The following MAGI2 variants were observed in gnomAD, a reference collection of about 807,000 sequenced individuals.
MAGI2 encodes membrane associated guanylate kinase, WW and PDZ domain containing 2.
A neutral mutation model predicts 133.3 loss-of-function variants in MAGI2; 35 were observed. That is an observed-to-expected ratio of 0.26 (90% confidence interval 0.20 to 0.35). The LOEUF is 0.35. Among genes scored for constraint, MAGI2 ranks in the 10% least tolerant of loss-of-function variants. The pLI, the probability that MAGI2 is intolerant of heterozygous loss-of-function variation, is 1.00. For missense variants in MAGI2, 1,636 were observed against 1,863.4 expected (o/e 0.88, Z 2.25); for synonymous variants, 729 against 710.6 (o/e 1.03, Z -0.41).
intron 2 of MAGI2, among the ~76,000 whole-genome samples, chr7:78,644,402 T>C (rs565650479): frequency 6.6e-6 from 1 of 152,248 alleles, no homozygotes; most frequent in African/African-American, 2.4e-5. Context: ...ATAGACCATA[T>C]TCTTGGCAAT....
chr7:78,681,491 A>G (rs1815654177), intron 2 of MAGI2, among the ~76,000 whole-genome samples: 2 of 152,200 alleles, frequency 1.3e-5, no homozygotes, highest in African/African-American at 4.8e-5. Flanking sequence ...AAATATGAAG[A>G]AAATGAAGAT....
intron 1 of MAGI2, among the ~76,000 whole-genome samples, chr7:79,186,429 T>C (rs1827152011): frequency 1.3e-5 from 2 of 149,110 alleles, no homozygotes; most frequent in South Asian, 4.2e-4. Context: ...CTAACAATCT[T>C]ACAGGATTTA....
intron 3 of MAGI2, among the ~76,000 whole-genome samples, chr7:78,600,881 A>T (rs1805127853): frequency 6.6e-6 from 1 of 152,216 alleles, no homozygotes; most frequent in South Asian, 2.1e-4. Flanking sequence ...ACTGTATTTC[A>T]GAATAAATTG....
At chr7:78,704,166 G>A (rs1345007952) in intron 2 of MAGI2, among the ~76,000 whole-genome samples, 2 of 152,054 alleles carry the variant, frequency 1.3e-5, no homozygotes, top group African/African-American at 4.8e-5. Flanking sequence ...TGCAAACTAT[G>A]TATCTGACAA....
chr7:78,889,043 T>C (rs1796508013), intron 2 of MAGI2, among the ~76,000 whole-genome samples: 1 of 152,132 alleles, frequency 6.6e-6, no homozygotes, highest in Non-Finnish European at 1.5e-5. Context: ...AAGGACATGA[T>C]GGAGCTGAAA....
chr7:78,250,019 GA>G lies in MAGI2; in HGVS notation c.2047+5923del, dbSNP rs547523715. The stretch of plus-strand genomic sequence containing the variant: ...TAAAAGATACACTGTTTTTCTAATA[GA>G]AAAAGCCTGAAAGCAACAATATCCA... On this transcript the variant is annotated intron_variant, in intron 10 of 21. Transcript: ENST00000354212. Among the ~76,000 whole-genome samples, 231 of 92,706 alleles carry G rather than the reference GA, an allele frequency of 2.5e-3. 2 individuals carry two copies. The highest frequency in any genetic ancestry group is 3.9e-3 in the Non-Finnish European group (179 of 45,866). 60.8% of individuals were successfully genotyped at this position (92,706 alleles called of 152,430 possible).
chr7:78,132,828 T>C, intron 18 of MAGI2, 61 bp downstream of exon 18: 1 of 1,612,312 alleles, frequency 6.2e-7, no homozygotes, highest in Admixed American at 1.7e-5. Flanking sequence ...TGTCCCCAAA[T>C]ACTCCCTCCT....
intron 1 of MAGI2, among the ~76,000 whole-genome samples, chr7:79,086,779 A>G (rs1248797037): frequency 6.6e-6 from 1 of 151,806 alleles, no homozygotes; most frequent in Non-Finnish European, 1.5e-5. Context: ...TAATTATAAA[A>G]CTTTTTATGA....
intron 3 of MAGI2, among the ~76,000 whole-genome samples, chr7:78,535,850 T>A (rs897142745): frequency 1.3e-5 from 2 of 149,794 alleles, no homozygotes; most frequent in Non-Finnish European, 3.0e-5. Context: ...ATCGAGAACC[T>A]GGCTCATCTA....
intron 1 of MAGI2, among the ~76,000 whole-genome samples, chr7:79,163,836 G>T (rs969374916): frequency 6.6e-6 from 1 of 151,910 alleles, no homozygotes; most frequent in African/African-American, 2.4e-5. Flanking sequence ...TCTTGTAAGT[G>T]TTATGTCAGA....
At chr7:78,045,089 C>T (rs1811285669) in intron 21 of MAGI2, among the ~76,000 whole-genome samples, 1 of 152,138 alleles carries the variant, frequency 6.6e-6, no homozygotes, top group African/African-American at 2.4e-5. Flanking sequence ...ATTGCTTGAA[C>T]CCAGGAGGCA....
At chr7:78,043,024 G>A (rs1265891391) in intron 21 of MAGI2, among the ~76,000 whole-genome samples, 1 of 152,250 alleles carries the variant, frequency 6.6e-6, no homozygotes, top group African/African-American at 2.4e-5. Flanking sequence ...TCAGAGGACA[G>A]GTTCAAGTAC....
chr7:78,523,123 C>T (rs1190442348), intron 3 of MAGI2, among the ~76,000 whole-genome samples: 1 of 152,150 alleles, frequency 6.6e-6, no homozygotes, highest in Non-Finnish European at 1.5e-5. Context: ...AAAGGAATGA[C>T]CATTAACCAG....
intron 1 of MAGI2, among the ~76,000 whole-genome samples, chr7:79,132,084 T>C (rs1820986139): frequency 6.6e-6 from 1 of 152,148 alleles, no homozygotes; most frequent in Admixed American, 6.5e-5. Context: ...ATTAAGAATA[T>C]TAATTTAATG....
At chr7:78,620,401 TTA>T (rs975233444) in intron 3 of MAGI2, among the ~76,000 whole-genome samples, 137 of 152,188 alleles carry the variant, frequency 9.0e-4, no homozygotes, top group African/African-American at 3.1e-3. Flanking sequence ...GTAGAATTTG[TTA>T]TACATCTTCT....
intron 2 of MAGI2, among the ~76,000 whole-genome samples, chr7:78,930,224 A>G (rs560369435): frequency 1.3e-5 from 2 of 152,258 alleles, no homozygotes; most frequent in South Asian, 2.1e-4. Flanking sequence ...AATACAGCTC[A>G]GTAAGTATTT....
intron 3 of MAGI2, among the ~76,000 whole-genome samples, chr7:78,584,258 A>G (rs1016329859): frequency 6.6e-6 from 1 of 151,958 alleles, no homozygotes; most frequent in Non-Finnish European, 1.5e-5. Context: ...TGTCTCTACT[A>G]AAAATACAAA....
rs1797170040 is a variant in MAGI2 at position 78,404,258 on chromosome 7, G to C, written c.1046-35045C>G. ...GCCATAGTGCCCAAGGTAATTTATA[G>C]ATTCAATGCCATCCCCATCAAGCTA... On this transcript the variant is annotated intron_variant, in intron 6 of 21. Coordinates refer to ENST00000354212, the MANE Select transcript of MAGI2 (RefSeq NM_012301.4). Among the ~76,000 whole-genome samples, 3 of 152,246 alleles carry C rather than the reference G, an allele frequency of 2.0e-5. No individual in the cohort carries two copies. In the South Asian group the frequency reaches 6.2e-4, roughly 32 times the overall value.
At chr7:79,284,898 C>T (rs916627760) in intron 1 of MAGI2, among the ~76,000 whole-genome samples, 1 of 151,966 alleles carries the variant, frequency 6.6e-6, no homozygotes, top group African/African-American at 2.4e-5. Flanking sequence ...GGTCCTTAAT[C>T]CTCCTAGAGG....
Sources: gnomAD v4.1 joint callset for allele counts (sites outside exome capture counted in the v4.1 genomes callset) on GRCh38, gnomAD v4.1.1 for gene constraint, MANE v1.5 for transcripts, NCBI Gene and HGNC (gene_info 2026-07-23, HGNC 2026-07-21) for gene names.